The following PDE8B variants were observed in gnomAD, a reference collection of about 807,000 sequenced individuals.
PDE8B encodes phosphodiesterase 8B, also known as high affinity cAMP-specific and IBMX-insensitive 3',5'-cyclic phosphodiesterase 8B.
In PDE8B, 26 loss-of-function variants were observed where a neutral mutation model predicts 101.3. That is an observed-to-expected ratio of 0.26 (90% CI 0.19 to 0.36). PDE8B has a LOEUF of 0.36. Among genes scored for constraint, PDE8B ranks in the 10% least tolerant of loss-of-function variants. PDE8B has a pLI of 1.00. For missense variants in PDE8B, 810 were observed against 1,163.1 expected, an observed-to-expected ratio of 0.70 and a Z score of 4.42; for synonymous variants, 424 against 429.3, an observed-to-expected ratio of 0.99 and a Z score of 0.15.
chr5:77,186,857 G>A, the PDE8B span, among the ~76,000 whole-genome samples: 13 of 152,222 alleles, frequency 8.5e-5, no homozygotes, highest in African/African-American at 2.9e-4. Context: ...GCCTTCCTAC[G>A]AGATAGCAGA....
chr5:77,136,743 T>C, the PDE8B span, among the ~76,000 whole-genome samples: 10 of 152,222 alleles, frequency 6.6e-5, no homozygotes, highest in African/African-American at 2.4e-4. Flanking sequence ...TAAGCCTAGC[T>C]GCTGGCATTT....
chr5:77,284,882 G>A (rs968072745), intron 1 of PDE8B, among the ~76,000 whole-genome samples: 2 of 152,146 alleles, frequency 1.3e-5, no homozygotes, highest in African/African-American at 4.8e-5. Flanking sequence ...GGACATTTGA[G>A]ATGTTTCCAT....
chr5:77,413,746 TTA>T (rs1257416996), intron 17 of PDE8B, among the ~76,000 whole-genome samples: 7 of 152,188 alleles, frequency 4.6e-5, no homozygotes, highest in Non-Finnish European at 1.0e-4. Context: ...TTACATATAT[TTA>T]TGTTTGTGTT....
chr5:77,186,146 C>T, the PDE8B span, among the ~76,000 whole-genome samples: 2 of 152,234 alleles, frequency 1.3e-5, no homozygotes, highest in African/African-American at 4.8e-5. Flanking sequence ...TGTGTCCCAG[C>T]ATCACAGACA....
At chr5:77,146,433 T>C in the PDE8B span, 1 of 152,848 alleles carries the variant, frequency 6.5e-6, no homozygotes, top group East Asian at 1.9e-4. Flanking sequence ...TGATGAGATA[T>C]ATGTGATTAT....
chr5:77,317,696 TA>T (rs2150166206), intron 2 of PDE8B, among the ~76,000 whole-genome samples: 1 of 152,300 alleles, frequency 6.6e-6, no homozygotes, highest in East Asian at 1.9e-4. Context: ...TCTTCATCCA[TA>T]CCTGGAACAC....
At chr5:77,371,335 C>T (rs890545734) in intron 10 of PDE8B, among the ~76,000 whole-genome samples, 1 of 152,126 alleles carries the variant, frequency 6.6e-6, no homozygotes, top group African/African-American at 2.4e-5. Context: ...ATTTGGATAT[C>T]TATTATTCAA....
At chr5:77,133,852 G>A in the PDE8B span, among the ~76,000 whole-genome samples, 4 of 152,312 alleles carry the variant, frequency 2.6e-5, no homozygotes, top group African/African-American at 9.6e-5. Flanking sequence ...TCTGGGACTT[G>A]CTGAGTTGGA....
At chr5:77,384,100 T>A (rs1449603022) in intron 10 of PDE8B, among the ~76,000 whole-genome samples, 1 of 152,242 alleles carries the variant, frequency 6.6e-6, no homozygotes, top group Non-Finnish European at 1.5e-5. Flanking sequence ...ATGATATTGA[T>A]TCTTCCTATC....
chr5:77,168,746 A>G, the PDE8B span, among the ~76,000 whole-genome samples: 5 of 152,162 alleles, frequency 3.3e-5, no homozygotes, highest in East Asian at 1.9e-4. Flanking sequence ...GCCTCCCTCC[A>G]TTACTCCCCA....
chr5:77,340,088 AATAAAG>A lies in PDE8B; in HGVS notation c.797+2778_797+2783del, dbSNP rs1190299135. 3.9e-5 allele frequency among the ~76,000 whole-genome samples: 6 copies of A among 152,322 alleles called. No homozygotes were observed. In the East Asian group the frequency reaches 1.2e-3, roughly 29 times the overall value. On this transcript the variant is annotated intron_variant, in intron 6 of 21. Transcript: ENST00000264917. Reference sequence around the variant, plus strand: ...TCATGAAAAGATCTATTTTATCTAAAATAAAGATAATTATTTAGCTACTTAGCAGGA... The same window carrying A: ...TCATGAAAAGATCTATTTTATCTAAAATAATTATTTAGCTACTTAGCAGGA...
chr5:77,343,150 G>A (rs1395426180), intron 6 of PDE8B, among the ~76,000 whole-genome samples: 1 of 152,144 alleles, frequency 6.6e-6, no homozygotes, highest in African/African-American at 2.4e-5. Context: ...ATATGCTATT[G>A]TTTATGCATT....
chr5:77,373,525 C>T (rs946068866), intron 10 of PDE8B, among the ~76,000 whole-genome samples: 3 of 152,070 alleles, frequency 2.0e-5, no homozygotes, highest in South Asian at 2.1e-4. Context: ...CCTTTATTTC[C>T]AAGCAATCAC....
At chr5:77,145,920 A>T in the PDE8B span, 1 of 152,236 alleles carries the variant, frequency 6.6e-6, no homozygotes, top group Non-Finnish European at 1.5e-5. Context: ...ATGGTGAATT[A>T]TTCCCAGCCC....
At chr5:77,178,318 T>C in the PDE8B span, among the ~76,000 whole-genome samples, 1 of 152,248 alleles carries the variant, frequency 6.6e-6, no homozygotes, top group Non-Finnish European at 1.5e-5. Context: ...CAATGTACCC[T>C]GAGTTTTTCA....
the PDE8B span, among the ~76,000 whole-genome samples, chr5:77,182,756 CTT>C: frequency 4.1e-4 from 58 of 141,242 alleles, no homozygotes; most frequent in East Asian, 1.4e-3. Flanking sequence ...ATAAGCACTG[CTT>C]TTTTTTTTTT....
intron 7 of PDE8B, 32 bp from the exon 8 acceptor site, chr5:77,349,387 C>A: frequency 6.2e-7 from 1 of 1,613,586 alleles, no homozygotes. Context: ...CTTGTGTCCC[C>A]GCACTGATCT....
intron 1 of PDE8B, among the ~76,000 whole-genome samples, chr5:77,276,147 C>T (rs251418): frequency 0.18 from 27,372 of 152,202 alleles, 2,692 homozygotes; most frequent in Non-Finnish European, 0.22. Flanking sequence ...AGGTATGACA[C>T]TTCTGTGTGC....
chr5:77,200,324 T>A, the PDE8B span, among the ~76,000 whole-genome samples: 1 of 152,176 alleles, frequency 6.6e-6, no homozygotes, highest in Admixed American at 6.5e-5. Context: ...TTGGATAGGA[T>A]CACGAATAAA....
Sources: allele counts gnomAD v4.1 joint callset (sites outside exome capture counted in the v4.1 genomes callset), GRCh38; gene constraint gnomAD v4.1.1; transcripts MANE v1.5; gene names NCBI Gene and HGNC (gene_info 2026-07-23, HGNC 2026-07-21).